Variants in PLD1 observed in about 807,000 individuals in gnomAD.
The protein encoded by PLD1 is phospholipase D1.
In PLD1, 112 loss-of-function variants were observed where a neutral mutation model predicts 137.1. The ratio of observed to expected loss-of-function variants is 0.82; its 90% CI spans 0.70 to 0.96. The LOEUF is 0.96. PLD1 is among the 40% of genes least tolerant of loss of function. The probability of loss-of-function intolerance (pLI) is 0.00; values close to 1 mark genes in which losing one functional copy is unlikely to be tolerated. For missense variants in PLD1, 1,321 were observed against 1,342.0 expected (o/e 0.98, Z 0.24); for synonymous variants, 431 against 454.7 (o/e 0.95, Z 0.66).
intron 1 of PLD1, among the ~76,000 whole-genome samples, chr3:171,746,164 C>T (rs1032980618): frequency 6.6e-6 from 1 of 152,240 alleles, no homozygotes; most frequent in African/African-American, 2.4e-5. Flanking sequence ...CCGAGCCCCT[C>T]CCCTCCGCGG....
At chr3:171,702,603 TAAATA>T (rs1447119605) in intron 11 of PLD1, among the ~76,000 whole-genome samples, 4 of 152,086 alleles carry the variant, frequency 2.6e-5, no homozygotes, top group Non-Finnish European at 5.9e-5. Flanking sequence ...TGTGGTAATT[TAAATA>T]AAATAAACAT....
intron 1 of PLD1, among the ~76,000 whole-genome samples, chr3:171,739,089 T>A (rs1430332372): frequency 6.6e-6 from 1 of 152,106 alleles, no homozygotes; most frequent in Middle Eastern, 3.2e-3. Flanking sequence ...CCCCTGTGAT[T>A]AAGGAGCACC....
chr3:171,698,636 C>T (rs993346514), intron 12 of PLD1, among the ~76,000 whole-genome samples: 3 of 151,956 alleles, frequency 2.0e-5, no homozygotes, highest in Non-Finnish European at 2.9e-5. Context: ...AGGCTCCACA[C>T]GTTCTGCTAG....
intron 19 of PLD1, among the ~76,000 whole-genome samples, chr3:171,672,186 A>G (rs3774033): frequency 0.46 from 70,418 of 152,046 alleles, 16,671 homozygotes; most frequent in African/African-American, 0.54. Flanking sequence ...CTCAGAGACC[A>G]TACCTTGCAC....
intron 1 of PLD1, among the ~76,000 whole-genome samples, chr3:171,744,657 T>G (rs1720019919): frequency 6.6e-6 from 1 of 152,196 alleles, no homozygotes; most frequent in Non-Finnish European, 1.5e-5. Flanking sequence ...CGTTCTCTTT[T>G]TTTCCCCTAG....
intron 13 of PLD1, among the ~76,000 whole-genome samples, chr3:171,689,603 C>A (rs1310165854): frequency 1.3e-5 from 2 of 152,062 alleles, no homozygotes; most frequent in African/African-American, 4.8e-5. Flanking sequence ...TGAGCTCAAA[C>A]GATCCTTCTG....
intron 1 of PLD1, among the ~76,000 whole-genome samples, chr3:171,800,589 T>C (rs74876138): frequency 0.19 from 28,604 of 152,230 alleles, 3,546 homozygotes; most frequent in Non-Finnish European, 0.25. Context: ...TATTTAGAGA[T>C]GCTCCAGAAG....
chr3:171,635,162 C>G (rs1406286956), intron 23 of PLD1, among the ~76,000 whole-genome samples: 1 of 152,130 alleles, frequency 6.6e-6, no homozygotes, highest in Non-Finnish European at 1.5e-5. Context: ...TTTGTTTATA[C>G]ATTCATCAGT....
intron 21 of PLD1, among the ~76,000 whole-genome samples, chr3:171,646,288 G>A (rs1165900639): frequency 6.6e-6 from 1 of 152,172 alleles, no homozygotes; most frequent in Non-Finnish European, 1.5e-5. Flanking sequence ...TTTCAAGTCC[G>A]ATCCTACTTA....
At chr3:171,748,107 T>G (rs1259628340) in intron 1 of PLD1, among the ~76,000 whole-genome samples, 1 of 152,208 alleles carries the variant, frequency 6.6e-6, no homozygotes, top group Non-Finnish European at 1.5e-5. Context: ...CAAGGGCATT[T>G]AGATGAGGAT....
intron 19 of PLD1, among the ~76,000 whole-genome samples, chr3:171,667,575 T>C (rs537085478): frequency 6.6e-6 from 1 of 152,082 alleles, no homozygotes; most frequent in Non-Finnish European, 1.5e-5. Flanking sequence ...AAAGGAGAGT[T>C]AGGGATGGAT....
intron 16 of PLD1, among the ~76,000 whole-genome samples, chr3:171,682,259 G>GA (rs1017798089): frequency 2.0e-5 from 3 of 151,998 alleles, no homozygotes; most frequent in South Asian, 2.1e-4. Context: ...AATTCTGAAT[G>GA]AAAAAAAATC....
chr3:171,611,204 C>G (rs1732628437), intron 25 of PLD1, among the ~76,000 whole-genome samples: 1 of 152,204 alleles, frequency 6.6e-6, no homozygotes, highest in African/African-American at 2.4e-5. Context: ...AAATATAGTT[C>G]TAGAATCATA....
At chr3:171,771,940 C>A (rs1722374613) in intron 1 of PLD1, among the ~76,000 whole-genome samples, 1 of 152,200 alleles carries the variant, frequency 6.6e-6, no homozygotes, top group Admixed American at 6.5e-5. Context: ...TCAGTTTCAC[C>A]ACCTACATTT....
At chr3:171,659,078 C>A in intron 21 of PLD1, 135 bp downstream of exon 21, 1 of 670,928 alleles carries the variant, frequency 1.5e-6, no homozygotes, top group Non-Finnish European at 2.7e-6. Context: ...CTAAAGGCAT[C>A]AATAACCTAT....
chr3:171,711,356 C>T (rs548218014), intron 9 of PLD1, among the ~76,000 whole-genome samples: 1 of 150,356 alleles, frequency 6.7e-6, no homozygotes, highest in African/African-American at 2.4e-5. Flanking sequence ...TTTTTAGTAG[C>T]GACAGGGTTT....
At chr3:171,643,687 G>T (rs370493887) in intron 22 of PLD1, among the ~76,000 whole-genome samples, 1 of 151,962 alleles carries the variant, frequency 6.6e-6, no homozygotes. Flanking sequence ...TTAGAATGGC[G>T]AATGAAATTG....
At chr3:171,724,321 A>AGAT (rs1718347057) in intron 8 of PLD1, among the ~76,000 whole-genome samples, 3 of 152,186 alleles carry the variant, frequency 2.0e-5, no homozygotes, top group Admixed American at 6.5e-5. Flanking sequence ...GTTATTGTCC[A>AGAT]TCTCTTTGAT....
intron 23 of PLD1, among the ~76,000 whole-genome samples, chr3:171,623,215 G>A (rs1420736434): frequency 6.6e-6 from 1 of 151,950 alleles, no homozygotes; most frequent in East Asian, 1.9e-4. Flanking sequence ...AAGTTCTCAT[G>A]GAGTTAGATA....
Sources: allele counts gnomAD v4.1 joint callset (sites outside exome capture counted in the v4.1 genomes callset), GRCh38; gene constraint gnomAD v4.1.1; transcripts MANE v1.5; gene names NCBI Gene and HGNC (gene_info 2026-07-23, HGNC 2026-07-21).